ACOXL: variants seen among roughly 807,000 people sequenced by gnomAD.
ACOXL encodes the protein acyl-coenzyme A oxidase-like protein.
A neutral mutation model predicts 71.9 loss-of-function variants in ACOXL; 70 were observed. The observed-to-expected ratio is 0.97, with a 90% CI of 0.80 to 1.19. The LOEUF (loss-of-function observed/expected upper bound fraction) is 1.19, where lower values mean the gene tolerates loss of function less well. Ranked by LOEUF, ACOXL falls within the 50% of genes most tolerant of loss-of-function variation. ACOXL has a pLI of 0.00. For missense variants in ACOXL, 703 were observed against 736.3 expected, an observed-to-expected ratio of 0.95 and a Z score of 0.52; for synonymous variants, 253 against 281.6, an observed-to-expected ratio of 0.90 and a Z score of 1.02.
chr2:110,864,732 T>G (rs1694353991), intron 10 of ACOXL, among the ~76,000 whole-genome samples: 1 of 152,226 alleles, frequency 6.6e-6, no homozygotes, highest in Admixed American at 6.5e-5. Context: ...TCTGTCGAAT[T>G]AACCAGGCTT....
chr2:110,849,683 G>A (rs553803479), intron 10 of ACOXL, among the ~76,000 whole-genome samples: 14 of 152,252 alleles, frequency 9.2e-5, no homozygotes, highest in African/African-American at 2.9e-4. Flanking sequence ...GCTTGAACCC[G>A]GGAGGTGGAG....
intron 1 of ACOXL, among the ~76,000 whole-genome samples, chr2:110,742,394 T>C (rs1334504346): frequency 6.6e-6 from 1 of 152,214 alleles, no homozygotes; most frequent in Non-Finnish European, 1.5e-5. Flanking sequence ...GTTGACTATG[T>C]GTAAGGAAAA....
chr2:110,955,089 A>T (rs535687592), intron 12 of ACOXL, among the ~76,000 whole-genome samples: 1 of 151,986 alleles, frequency 6.6e-6, no homozygotes, highest in South Asian at 2.1e-4. Context: ...ATTTGGTTGT[A>T]TTTTTCCTAT....
chr2:111,023,078 G>A (rs547960309), intron 14 of ACOXL, among the ~76,000 whole-genome samples: 75 of 152,276 alleles, frequency 4.9e-4, no homozygotes, highest in African/African-American at 1.2e-3. Flanking sequence ...TCTGATGGGC[G>A]TCATGTGAGA....
chr2:110,744,796 A>C (rs1677992025), intron 1 of ACOXL, among the ~76,000 whole-genome samples: 1 of 152,180 alleles, frequency 6.6e-6, no homozygotes, highest in Non-Finnish European at 1.5e-5. Context: ...CTTACTTGCG[A>C]GATCTGTCAG....
intron 2 of ACOXL, among the ~76,000 whole-genome samples, chr2:110,772,594 ACC>A (rs1427492661): frequency 3.9e-5 from 6 of 151,974 alleles, no homozygotes; most frequent in African/African-American, 1.5e-4. Flanking sequence ...TGAAGATCCT[ACC>A]CCTGACTCCT....
At chr2:110,987,035 T>C in intron 12 of ACOXL, 73 bp from the exon 13 acceptor site, 6 of 1,187,790 alleles carry the variant, frequency 5.1e-6, no homozygotes, top group Non-Finnish European at 7.3e-6. Context: ...ATAGATCTTA[T>C]TGGGTTGCAG....
chr2:111,082,580 G>A (rs1424893342), intron 16 of ACOXL, among the ~76,000 whole-genome samples: 1 of 152,174 alleles, frequency 6.6e-6, no homozygotes, highest in Non-Finnish European at 1.5e-5. Context: ...TGGTGGGAGT[G>A]TAAATTAGTT....
In ACOXL at chr2:110,758,099, T is replaced by C. The variant is rs115059017; in HGVS notation, c.-22-10269T>C. Reference sequence around the variant, plus strand: ...TGTAAGGAAGGGGTCTAGTTTTAATTTTCTGCCTATAACTTGCCAGCTCTC... The same window carrying C: ...TGTAAGGAAGGGGTCTAGTTTTAATCTTCTGCCTATAACTTGCCAGCTCTC... On this transcript the variant is annotated intron_variant, in intron 1 of 17. Coordinates refer to ENST00000439055, the MANE Select transcript of ACOXL (RefSeq NM_001142807.4). Among the ~76,000 whole-genome samples the C allele has an allele frequency of 1.4e-3, 214 of 152,342 alleles. 1 individual carries two copies. The highest frequency in any genetic ancestry group is 3.4e-3 in the Middle Eastern group (1 of 294).
chr2:110,790,210 AG>A (rs1377724120), intron 3 of ACOXL, among the ~76,000 whole-genome samples: 1 of 152,176 alleles, frequency 6.6e-6, no homozygotes, highest in East Asian at 1.9e-4. Flanking sequence ...CCAGCCCCAC[AG>A]TCTTCCAGGT....
In ACOXL at chr2:110,933,529, A is replaced by G; in HGVS notation, c.946A>G (p.Lys316Glu). ...CCTGGATGAGGATGTCTTCCAGGGA[A>G]AGGAGCTGGTCAACAGTCGCTCGCT... ...ALLDEDVFQGKELVNSRSLQA... is the reference protein window; with the variant it reads ...ALLDEDVFQGEELVNSRSLQA... The change falls in exon 12 of 18, where the codon AAG (lysine) becomes GAG (glutamate). Residue 316 changes from lysine (K) to glutamate (E), a missense_variant. Coordinates refer to ENST00000439055, the MANE Select transcript of ACOXL (RefSeq NM_001142807.4). 6.2e-7 allele frequency: 1 copy of G among 1,614,208 alleles called. No homozygotes were observed. Among genetic ancestry groups the G allele is most frequent in the Non-Finnish European group, 8.5e-7 (1 of 1,180,024 alleles).
intron 12 of ACOXL, among the ~76,000 whole-genome samples, 182 bp from the exon 13 acceptor site, chr2:110,986,926 G>C (rs1212526678): frequency 2.6e-5 from 4 of 152,078 alleles, no homozygotes; most frequent in Non-Finnish European, 5.9e-5. Flanking sequence ...GATGGGGGAT[G>C]GTGTGATAAA....
rs527525561 is a variant in ACOXL, at chr2:110,836,566, C to A, written c.754-4805C>A. 2.6e-5 allele frequency among the ~76,000 whole-genome samples: 4 copies of A among 152,250 alleles called. No homozygotes were observed. In the South Asian group the frequency reaches 8.3e-4, roughly 32 times the overall value. On this transcript the variant is annotated intron_variant, in intron 9 of 17. Transcript: ENST00000439055. ...GAGTGGTATTCTGTGGGTGCCATGG[C>A]CCTGTTTGCATGGTATTCTGCCCAT...
chr2:110,803,544 G>A (rs1426467418), intron 8 of ACOXL, among the ~76,000 whole-genome samples: 1 of 152,112 alleles, frequency 6.6e-6, no homozygotes, highest in Non-Finnish European at 1.5e-5. Context: ...AGACCTAAAT[G>A]TAAGAGCTAA....
Position 111,022,974 on chromosome 2 carries a change from G to C in ACOXL, c.1282-8653G>C, listed in dbSNP as rs578256232. On this transcript the variant is annotated intron_variant, in intron 14 of 17. Transcript: ENST00000439055. ...AGTTCAGGGCTCACCCCCAAGAGCA[G>C]AAAGTGGGGAAGCAATCATAGTGTT... is the stretch of plus-strand genomic sequence containing the variant. Among the ~76,000 whole-genome samples, 2 of 152,328 alleles carry C rather than the reference G, an allele frequency of 1.3e-5. 1 individual carries two copies. The highest frequency in any genetic ancestry group is 3.9e-4 in the East Asian group (2 of 5,190).
intron 1 of ACOXL, among the ~76,000 whole-genome samples, chr2:110,741,052 C>G (rs1677465522): frequency 6.6e-6 from 1 of 152,174 alleles, no homozygotes; most frequent in Admixed American, 6.5e-5. Flanking sequence ...TCTCTTTTCT[C>G]TATTAAAATA....
chr2:111,106,897 C>A (rs956786145), intron 17 of ACOXL, among the ~76,000 whole-genome samples: 2 of 152,156 alleles, frequency 1.3e-5, no homozygotes, highest in Admixed American at 6.5e-5. Context: ...CCCTAAAGGG[C>A]CTTTACTCAC....
chr2:110,762,085 A>G (rs932622646), intron 1 of ACOXL, among the ~76,000 whole-genome samples: 1 of 152,136 alleles, frequency 6.6e-6, no homozygotes, highest in Non-Finnish European at 1.5e-5. Context: ...TTTTATAATT[A>G]TAATATCTTT....
At chr2:110,753,613 A>G (rs1476570475) in intron 1 of ACOXL, among the ~76,000 whole-genome samples, 1 of 152,218 alleles carries the variant, frequency 6.6e-6, no homozygotes, top group African/African-American at 2.4e-5. Flanking sequence ...TAGTTTACCA[A>G]TTCTATTGAT....
Sources: gnomAD v4.1 joint callset for allele counts (sites outside exome capture counted in the v4.1 genomes callset) on GRCh38, gnomAD v4.1.1 for gene constraint, MANE v1.5 for transcripts, NCBI Gene and HGNC (gene_info 2026-07-23, HGNC 2026-07-21) for gene names.